Variants in ZBTB20 observed in about 807,000 individuals in gnomAD.
The protein encoded by ZBTB20 is zinc finger and BTB domain-containing protein 20.
ZBTB20 carries 9 observed loss-of-function variants against 56.9 expected under a neutral mutation model. That is an observed-to-expected ratio of 0.16 (90% CI 0.10 to 0.28). The LOEUF (loss-of-function observed/expected upper bound fraction) is 0.28. Ranked by LOEUF, ZBTB20 falls within the 10% of genes least tolerant of loss-of-function variation. The pLI is 1.00. For synonymous variants in ZBTB20, 417 were observed against 420.7 expected (o/e 0.99, Z 0.11); for missense variants, 655 against 1,003.0 (o/e 0.65, Z 4.69).
chr3:115,134,256 G>T (rs940417722), intron 1 of ZBTB20, among the ~76,000 whole-genome samples: 1 of 152,008 alleles, frequency 6.6e-6, no homozygotes, highest in Non-Finnish European at 1.5e-5. Context: ...AAAGATATCT[G>T]GGAATGTTTT....
chr3:114,561,035 T>C (rs903598188), intron 6 of ZBTB20, among the ~76,000 whole-genome samples: 3 of 152,216 alleles, frequency 2.0e-5, no homozygotes, highest in African/African-American at 7.2e-5. Flanking sequence ...GTAGATTCCA[T>C]CTCAAGAAAC....
rs78174224 is a variant in ZBTB20, at chr3:115,096,370, C to T, written c.-702-24956G>A. On this transcript the variant is annotated intron_variant, in intron 1 of 11. Transcript: ENST00000675478. ...CTTCTCATGGTAACTTAGATCTTCA[C>T]TGGTTAAGAAAGTGAGGGATAAGGA... is the stretch of plus-strand genomic sequence containing the variant. Among the ~76,000 whole-genome samples the T allele has an allele frequency of 4.7e-3, 710 of 152,198 alleles. 3 individuals carry two copies. The highest frequency in any genetic ancestry group is 0.014 in the Middle Eastern group (4 of 294).
chr3:115,009,589 A>G (rs2079614501), intron 2 of ZBTB20, among the ~76,000 whole-genome samples: 1 of 151,974 alleles, frequency 6.6e-6, no homozygotes, highest in Non-Finnish European at 1.5e-5. Context: ...CTGTGATTTG[A>G]ATGTATCCCT....
rs1490995882 is a variant in ZBTB20, at chr3:114,339,762, C to T, written c.1805-336G>A. Reference sequence around the variant, plus strand: ...GGAGGGCTACTTTTGAAGGGGGTCACTTTCAGTGTCCTGATTAGGGGATTT... The same window carrying T: ...GGAGGGCTACTTTTGAAGGGGGTCATTTTCAGTGTCCTGATTAGGGGATTT... On this transcript the variant is annotated intron_variant, in intron 11 of 11. Transcript: ENST00000675478. The surrounding 1 kb of genome is among the most constrained non-coding windows in gnomAD (Gnocchi z 4.2). Among the ~76,000 whole-genome samples the T allele has an allele frequency of 6.6e-6, 1 of 152,190 alleles. No homozygotes were observed. Among genetic ancestry groups the T allele is most frequent in the Admixed American group, 6.5e-5 (1 of 15,286 alleles).
At chr3:115,082,914 C>T (rs1576736985) in intron 1 of ZBTB20, among the ~76,000 whole-genome samples, 1 of 152,036 alleles carries the variant, frequency 6.6e-6, no homozygotes, top group Non-Finnish European at 1.5e-5. Flanking sequence ...ATAAACTTTA[C>T]TCTGACCATA....
intron 6 of ZBTB20, among the ~76,000 whole-genome samples, chr3:114,503,015 C>A (rs1399934325): frequency 6.6e-6 from 1 of 152,142 alleles, no homozygotes; most frequent in African/African-American, 2.4e-5. Context: ...TATCTAAACA[C>A]ATAACTTTCT....
chr3:114,729,005 A>T (rs1385905853), intron 5 of ZBTB20, among the ~76,000 whole-genome samples: 1 of 152,134 alleles, frequency 6.6e-6, no homozygotes, highest in East Asian at 1.9e-4. Context: ...GGTGCAGCAA[A>T]CCACCATGGC....
At chr3:115,140,538 AGAGT>A (rs2084783989) in intron 1 of ZBTB20, among the ~76,000 whole-genome samples, 1 of 151,748 alleles carries the variant, frequency 6.6e-6, no homozygotes, top group Admixed American at 6.6e-5. Context: ...TGAGTGCGAG[AGAGT>A]GTGTATGTGT....
intron 6 of ZBTB20, among the ~76,000 whole-genome samples, chr3:114,501,205 C>T (rs986013060): frequency 1.3e-5 from 2 of 152,144 alleles, no homozygotes; most frequent in African/African-American, 2.4e-5. Context: ...AAGCTTCTCT[C>T]CCACCAAACA....
Position 114,576,501 on chromosome 3 carries a change from C to CAAA in ZBTB20, c.-294-76113_-294-76111dup, listed in dbSNP as rs61714991. 8.3e-5 allele frequency among the ~76,000 whole-genome samples: 2 copies of CAAA among 24,112 alleles called. 1 individual carries two copies. The highest frequency in any genetic ancestry group is 1.5e-4 in the Non-Finnish European group (2 of 12,988). The allele number at this position is 24,112 out of a possible 152,430, so 15.8% of individuals were successfully genotyped here. ...TGGGTGACAGAGCAAGACTCCGTCTCAAAAAAAAAAAAAAAAAAAAAAAAA... is the reference window on the plus strand; with the variant it reads ...TGGGTGACAGAGCAAGACTCCGTCTCAAAAAAAAAAAAAAAAAAAAAAAAAAAA... On this transcript the variant is annotated intron_variant, in intron 6 of 11. Coordinates refer to ENST00000675478, the MANE Select transcript of ZBTB20 (RefSeq NM_001348800.3).
rs143134379 is a variant in ZBTB20 at position 114,756,734 on chromosome 3, C to G, written c.-343+44367G>C. ...ATATTTTCCTCTGAGAATGATCCAG[C>G]CAGTCTCAGTCTGATTCTAGTAAAA... On this transcript the variant is annotated intron_variant, in intron 5 of 11. Coordinates refer to ENST00000675478, the MANE Select transcript of ZBTB20 (RefSeq NM_001348800.3). Among the ~76,000 whole-genome samples, 8 of 152,220 alleles carry G rather than the reference C, an allele frequency of 5.3e-5. No homozygotes were observed. The East Asian group carries it at 1.5e-3, about 29-fold the overall frequency.
intron 6 of ZBTB20, among the ~76,000 whole-genome samples, chr3:114,661,044 C>G (rs752692058): frequency 6.6e-6 from 1 of 152,114 alleles, no homozygotes; most frequent in Non-Finnish European, 1.5e-5. Flanking sequence ...GGGAGCACTT[C>G]CCAAGAAATC....
chr3:114,478,606 A>G (rs1394261835), intron 7 of ZBTB20, among the ~76,000 whole-genome samples: 1 of 152,240 alleles, frequency 6.6e-6, no homozygotes, highest in East Asian at 1.9e-4. Flanking sequence ...TATCAAACAC[A>G]CAAACACATA....
intron 1 of ZBTB20, among the ~76,000 whole-genome samples, chr3:115,126,391 A>T (rs1027433143): frequency 6.6e-6 from 1 of 152,192 alleles, no homozygotes; most frequent in African/African-American, 2.4e-5. Flanking sequence ...AATGTCACCA[A>T]GAAACATGTG....
chr3:114,900,788 T>C (rs879525139), intron 3 of ZBTB20, among the ~76,000 whole-genome samples: 6 of 152,124 alleles, frequency 3.9e-5, no homozygotes, highest in Non-Finnish European at 7.4e-5. Context: ...GAAAGGTGCT[T>C]TTGTAGAGCA....
chr3:114,748,350 T>TCTCTCTCTCTCTC (rs373583112), intron 5 of ZBTB20, among the ~76,000 whole-genome samples: 51 of 29,408 alleles, frequency 1.7e-3, no homozygotes, highest in South Asian at 4.1e-3. Flanking sequence ...TCTTTCTTTC[T>TCTCTCTCTCTCTC]TTTCTCTCTC....
chr3:114,787,368 T>TATATATATATATACATAC (rs1433434685), intron 5 of ZBTB20, among the ~76,000 whole-genome samples: 5 of 106,312 alleles, frequency 4.7e-5, no homozygotes, highest in African/African-American at 1.8e-4. Flanking sequence ...TATATATATA[T>TATATATATATATACATAC]ACACACACAC....
chr3:114,403,671 G>C (rs2087022698), intron 7 of ZBTB20, among the ~76,000 whole-genome samples: 1 of 151,906 alleles, frequency 6.6e-6, no homozygotes, highest in Non-Finnish European at 1.5e-5. Flanking sequence ...TTAATTTTTA[G>C]AATCAGCTAT....
At chr3:114,914,785 T>C (rs1315169507) in intron 3 of ZBTB20, among the ~76,000 whole-genome samples, 4 of 151,850 alleles carry the variant, frequency 2.6e-5, no homozygotes, top group African/African-American at 9.7e-5. Flanking sequence ...GAGGGGATAC[T>C]GAATCTTAAC....
Sources: allele counts gnomAD v4.1 joint callset (sites outside exome capture counted in the v4.1 genomes callset), GRCh38; gene constraint gnomAD v4.1.1; non-coding constraint Gnocchi (gnomAD v3.1); transcripts MANE v1.5; gene names NCBI Gene and HGNC (gene_info 2026-07-23, HGNC 2026-07-21).